Variants in YPEL5 observed in about 807,000 individuals in gnomAD.
YPEL5 encodes protein yippee-like 5.
In YPEL5, 1 loss-of-function variant was observed where a neutral mutation model predicts 10.5. That is an observed-to-expected ratio of 0.10 (90% CI 0.03 to 0.45). YPEL5 has a LOEUF of 0.45. YPEL5 is among the 20% of genes least tolerant of loss of function. The pLI is 0.97. For synonymous variants in YPEL5, 61 were observed against 56.6 expected, an observed-to-expected ratio of 1.08 and a Z score of -0.35; for missense variants, 68 against 159.3, an observed-to-expected ratio of 0.43 and a Z score of 3.09.
rs1276408527 is a variant in YPEL5 at position 30,150,632 on chromosome 2, TAAAGA to T, written c.-25+3575_-25+3579del. On this transcript the variant is annotated intron_variant, in intron 1 of 2. Transcript: ENST00000261353. ...TTAAGGATTTTAGCTAGAAAATCAG[TAAAGA>T]AAAGGGGAATGGGATTAAACTGATC... Among the ~76,000 whole-genome samples the T allele has an allele frequency of 4.6e-5, 7 of 152,308 alleles. No homozygotes were observed. In the East Asian group the frequency reaches 1.3e-3, roughly 29 times the overall value.
chr2:30,147,457 C>G (rs1011160734), intron 1 of YPEL5: 3 of 149,250 alleles, frequency 2.0e-5, no homozygotes, highest in African/African-American at 7.3e-5. Context: ...CCTGGGCGGA[C>G]GGTCTGGCCG....
chr2:30,155,717 A>T (rs1042083810), intron 1 of YPEL5: 2 of 152,246 alleles, frequency 1.3e-5, no homozygotes, highest in Non-Finnish European at 2.9e-5. Flanking sequence ...AGTTTCAGAC[A>T]TATGTTTCAA....
chr2:30,151,203 A>G (rs1169367688), intron 1 of YPEL5, among the ~76,000 whole-genome samples: 1 of 152,232 alleles, frequency 6.6e-6, no homozygotes, highest in Non-Finnish European at 1.5e-5. Flanking sequence ...GAAGCAAACT[A>G]GGAAATTATG....
intron 1 of YPEL5, chr2:30,156,348 C>T: frequency 3.7e-6 from 1 of 273,532 alleles, no homozygotes; most frequent in Non-Finnish European, 6.9e-6. Flanking sequence ...TCTTTTTCCA[C>T]ACCAGCCATA....
chr2:30,152,331 A>G (rs141836506), intron 1 of YPEL5, among the ~76,000 whole-genome samples: 418 of 152,326 alleles, frequency 2.7e-3, no homozygotes, highest in Admixed American at 7.4e-3. Flanking sequence ...GTATGAATGT[A>G]TGTTGGGTTT....
chr2:30,148,912 A>G (rs1263942706), intron 1 of YPEL5, among the ~76,000 whole-genome samples: 4 of 152,252 alleles, frequency 2.6e-5, no homozygotes, highest in Admixed American at 1.3e-4. Flanking sequence ...TTAATGGTGA[A>G]TAACTATAGA....
In YPEL5 at chr2:30,160,303, C is replaced by T. The variant is rs1477799906; in HGVS notation, c.*1460C>T. 1.3e-5 allele frequency: 2 copies of T among 152,206 alleles called. No homozygotes were observed. Among genetic ancestry groups the T allele is most frequent in the Non-Finnish European group, 2.9e-5 (2 of 68,034 alleles). 9.4% of individuals were successfully genotyped at this position (152,206 alleles called of 1,614,324 possible). ...ACAGTTAAGTTCCTCCTATTTGCCACTGGGCTGTTGGTTAGAAGCATAGGT... is the reference window on the plus strand; with the variant it reads ...ACAGTTAAGTTCCTCCTATTTGCCATTGGGCTGTTGGTTAGAAGCATAGGT... On this transcript the variant is annotated 3_prime_UTR_variant, in exon 3 of 3. Transcript: ENST00000261353.
At chr2:30,153,301 A>G (rs1675898059) in intron 1 of YPEL5, among the ~76,000 whole-genome samples, 1 of 152,172 alleles carries the variant, frequency 6.6e-6, no homozygotes, top group African/African-American at 2.4e-5. Flanking sequence ...TATTTCTCCC[A>G]GTTCTAGAGG....
In YPEL5 at chr2:30,151,092, C is replaced by G. The variant is rs527325478; in HGVS notation, c.-25+4030C>G. 2.4e-3 allele frequency among the ~76,000 whole-genome samples: 365 copies of G among 152,182 alleles called. 1 individual carries two copies. The highest frequency in any genetic ancestry group is 4.0e-3 in the Non-Finnish European group (274 of 68,020). On this transcript the variant is annotated intron_variant, in intron 1 of 2. Coordinates refer to ENST00000261353, the MANE Select transcript of YPEL5 (RefSeq NM_016061.3). ...CTTCCCAGCTTTTAAGGAAAACAGTCAGCAATGAGCCAGACAAGTGAACAA... is the reference window on the plus strand; with the variant it reads ...CTTCCCAGCTTTTAAGGAAAACAGTGAGCAATGAGCCAGACAAGTGAACAA...
rs1427059013 is a variant in YPEL5 at position 30,154,299 on chromosome 2, CTT to C, written c.-24-2328_-24-2327del. Among the ~76,000 whole-genome samples the C allele has an allele frequency of 7.2e-5, 11 of 152,308 alleles. No homozygotes were observed. In the South Asian group the frequency reaches 2.3e-3, roughly 32 times the overall value. On this transcript the variant is annotated intron_variant, in intron 1 of 2. Transcript: ENST00000261353. ...ATCAAGATTCAGAAACATGACCAAA[CTT>C]AACTGCTCACAGGTTTGTTGAGTGT...
In YPEL5 at chr2:30,147,016, G is replaced by C. The variant is rs1675422489; in HGVS notation, c.-71G>C. On this transcript the variant is annotated 5_prime_UTR_variant, in exon 1 of 3. Transcript: ENST00000261353. ...GTGGCCGAGGGGCTTCATACCAGCT[G>C]AAGAGCGACAAGCCGCTGGCAGCCG... The C allele has an allele frequency of 6.6e-6, 1 of 152,574 alleles. No individual in the cohort carries two copies. The highest frequency in any genetic ancestry group is 2.4e-5 in the African/African-American group (1 of 41,474). 9.5% of individuals were successfully genotyped at this position (152,574 alleles called of 1,614,324 possible).
chr2:30,158,092 A>G (rs1676120689), intron 2 of YPEL5, among the ~76,000 whole-genome samples: 1 of 152,196 alleles, frequency 6.6e-6, no homozygotes, highest in Non-Finnish European at 1.5e-5. Flanking sequence ...CATTGTGTTC[A>G]TTGTCTTTGA....
intron 1 of YPEL5, 47 bp from the exon 2 acceptor site, chr2:30,156,581 A>G (rs1206571475): frequency 6.3e-7 from 1 of 1,576,756 alleles, no homozygotes; most frequent in East Asian, 2.2e-5. Flanking sequence ...GTAGGTGCTA[A>G]CATGATTATT....
At chr2:30,154,941 G>A (rs1428573836) in intron 1 of YPEL5, among the ~76,000 whole-genome samples, 1 of 152,108 alleles carries the variant, frequency 6.6e-6, no homozygotes, top group African/African-American at 2.4e-5. Context: ...GTTTCACCAT[G>A]TTAACCAGGC....
At chr2:30,150,435 A>G (rs1171994961) in intron 1 of YPEL5, among the ~76,000 whole-genome samples, 2 of 152,204 alleles carry the variant, frequency 1.3e-5, no homozygotes, top group East Asian at 1.9e-4. Flanking sequence ...TTCCAAAGCT[A>G]TTAAGGGGGA....
intron 2 of YPEL5, among the ~76,000 whole-genome samples, 157 bp downstream of exon 2, chr2:30,156,949 C>A (rs769179912): frequency 7.9e-5 from 12 of 152,024 alleles, no homozygotes; most frequent in Non-Finnish European, 1.6e-4. Context: ...TTTGATGGGA[C>A]CTTAGGAAGG....
At chr2:30,149,217 T>C (rs775268666) in intron 1 of YPEL5, among the ~76,000 whole-genome samples, 2 of 152,178 alleles carry the variant, frequency 1.3e-5, no homozygotes, top group Non-Finnish European at 2.9e-5. Flanking sequence ...ATAAGTGTTA[T>C]TGAAATATAG....
At chr2:30,158,106 C>G (rs567136320) in intron 2 of YPEL5, among the ~76,000 whole-genome samples, 50 of 152,328 alleles carry the variant, frequency 3.3e-4, no homozygotes, top group African/African-American at 1.2e-3. Flanking sequence ...TCTTTGAATT[C>G]ACTTTAAAAC....
intron 1 of YPEL5, among the ~76,000 whole-genome samples, chr2:30,155,615 A>T (rs937060565): frequency 6.6e-6 from 1 of 152,250 alleles, no homozygotes; most frequent in Non-Finnish European, 1.5e-5. Context: ...CTAGATCTTT[A>T]AGAATACTGT....
Sources: allele counts gnomAD v4.1 joint callset (sites outside exome capture counted in the v4.1 genomes callset), GRCh38; gene constraint gnomAD v4.1.1; transcripts MANE v1.5; gene names NCBI Gene and HGNC (gene_info 2026-07-23, HGNC 2026-07-21).